The following ZNF746 variants were observed in gnomAD, a reference collection of about 807,000 sequenced individuals.
ZNF746 encodes the protein zinc finger protein 746, also known as parkin-interacting substrate.
Under a neutral mutation model 41.0 loss-of-function variants are expected in ZNF746, and 13 were observed. The ratio of observed to expected loss-of-function variants is 0.32; its 90% CI spans 0.21 to 0.50. The LOEUF (loss-of-function observed/expected upper bound fraction) is 0.50, where lower values mean the gene tolerates loss of function less well. ZNF746 is among the 20% of genes least tolerant of loss of function. ZNF746 has a pLI of 0.98. For missense variants in ZNF746, 811 were observed against 922.9 expected (o/e 0.88, Z 1.57); for synonymous variants, 424 against 396.2 (o/e 1.07, Z -0.83).
At chr7:149,491,781 G>C in intron 4 of ZNF746, 1 of 677,514 alleles carries the variant, frequency 1.5e-6, no homozygotes, top group Non-Finnish European at 2.7e-6. Flanking sequence ...GACGGTCAAG[G>C]GCGGGTCTTC....
At chr7:149,485,330 C>T (rs1341235166) in intron 4 of ZNF746, among the ~76,000 whole-genome samples, 2 of 152,126 alleles carry the variant, frequency 1.3e-5, no homozygotes, top group African/African-American at 4.8e-5. Context: ...AGATGGAATG[C>T]AATTGCAACC....
At chr7:149,491,747 G>C (rs1388333356) in intron 4 of ZNF746, 10 of 622,298 alleles carry the variant, frequency 1.6e-5, no homozygotes, top group Non-Finnish European at 2.3e-5. Context: ...AGTGTCAGAC[G>C]AAAGGGAAAA....
In ZNF746 at chr7:149,474,573, G is replaced by C. The variant is rs1416695555; in HGVS notation, c.1794C>G (p.Arg598=). ...GKSFIRKDHL[R]KHQRNHAAGA... ...CCGCTGCATGGTTGCGCTGGTGCTTGCGGAGGTGGTCCTTGCGGATGAAGC... is the reference window on the plus strand; with the variant it reads ...CCGCTGCATGGTTGCGCTGGTGCTTCCGGAGGTGGTCCTTGCGGATGAAGC... The change falls in exon 7 of 7, where the codon CGC becomes CGG. Residue 598 remains arginine, a synonymous_variant. Transcript: ENST00000458143. This position sits in a 1 kb window ranked among gnomAD's most constrained non-coding sequence, Gnocchi z 6.3. 5.0e-6 allele frequency: 8 copies of C among 1,611,640 alleles called. No individual in the cohort carries two copies. The African/African-American group carries it at 9.3e-5, about 19-fold the overall frequency.
At position 149,472,894 on chromosome 7, in the gene ZNF746, G is replaced by C. The variant is rs1019899505; in HGVS notation, c.*1490C>G. On this transcript the variant is annotated 3_prime_UTR_variant, in exon 7 of 7. Coordinates refer to ENST00000458143, the MANE Select transcript of ZNF746 (RefSeq NM_001394198.1). ...AGTGTAAACAGGTACAAAATATACA[G>C]TACATAGAAACAATTTTCTTAACTA... is the stretch of plus-strand genomic sequence containing the variant. 2.6e-5 allele frequency: 4 copies of C among 152,566 alleles called. No individual in the cohort carries two copies. Among genetic ancestry groups the C allele is most frequent in the South Asian group, 4.1e-4 (2 of 4,824 alleles). The allele number at this position is 152,566 out of a possible 1,614,324, so 9.5% of individuals were successfully genotyped here. A position where few individuals can be genotyped will look rare whatever the true frequency, so the allele number is the denominator to read the frequency against.
In ZNF746 at chr7:149,475,014, G is replaced by GCTTCAGA; in HGVS notation, c.1352_1353insTCTGAAG (p.His452LeufsTer111). 1.3e-6 allele frequency: 2 copies of GCTTCAGA among 1,551,914 alleles called. No individual in the cohort carries two copies. Among genetic ancestry groups the GCTTCAGA allele is most frequent in the Non-Finnish European group, 1.7e-6 (2 of 1,147,958 alleles). On this transcript the variant is annotated frameshift_variant, in exon 7 of 7. Transcript: ENST00000458143. LOFTEE classifies it low-confidence loss of function (END_TRUNC). ...GGTGCTTCTTCAGCCCTGGCTTGTG[G>GCTTCAGA]CCAAAGCCTTTGGTCCGGCCAGGGT...
intron 4 of ZNF746, among the ~76,000 whole-genome samples, chr7:149,483,593 G>A (rs1012615685): frequency 1.1e-4 from 17 of 151,500 alleles, no homozygotes; most frequent in Admixed American, 3.3e-4. Context: ...GCGACAGAGC[G>A]AGACTCCGTG....
intron 4 of ZNF746, chr7:149,487,672 C>T (rs1194453316): frequency 6.6e-6 from 1 of 151,916 alleles, no homozygotes; most frequent in Non-Finnish European, 1.5e-5. Context: ...TACCTGTACA[C>T]CTGAAATAAC....
chr7:149,496,490 T>C (rs397832783), intron 1 of ZNF746, among the ~76,000 whole-genome samples: 3 of 152,288 alleles, frequency 2.0e-5, no homozygotes, highest in African/African-American at 4.8e-5. Flanking sequence ...AAACCCCTTC[T>C]TAGTCTCTCT....
intron 4 of ZNF746, among the ~76,000 whole-genome samples, chr7:149,482,533 C>T (rs1800513373): frequency 6.7e-6 from 1 of 149,692 alleles, no homozygotes. Flanking sequence ...GGTGCAATCT[C>T]GGCTCACTAC....
At chr7:149,485,020 C>CA (rs1318891102) in intron 4 of ZNF746, among the ~76,000 whole-genome samples, 1 of 151,852 alleles carries the variant, frequency 6.6e-6, no homozygotes, top group Non-Finnish European at 1.5e-5. Flanking sequence ...GCATAAAGGG[C>CA]AGGGACATTG....
At chr7:149,495,764 G>A (rs1408305065) in intron 1 of ZNF746, among the ~76,000 whole-genome samples, 1 of 152,180 alleles carries the variant, frequency 6.6e-6, no homozygotes, top group Non-Finnish European at 1.5e-5. Context: ...TGAGCAGAGG[G>A]AGAAACAAAC....
At chr7:149,492,766 A>ACT in intron 4 of ZNF746, 93 bp downstream of exon 4, 3 of 887,636 alleles carry the variant, frequency 3.4e-6, no homozygotes, top group Non-Finnish European at 1.8e-6. Flanking sequence ...TTTCTCCTCG[A>ACT]CTCTCTCTGG....
Position 149,494,007 on chromosome 7 carries a change from C to G in ZNF746, c.433G>C (p.Glu145Gln). 5 of 1,614,196 alleles carry G rather than the reference C, an allele frequency of 3.1e-6. No homozygotes were observed. Among genetic ancestry groups the G allele is most frequent in the Non-Finnish European group, 4.2e-6 (5 of 1,180,036 alleles). The stretch of plus-strand genomic sequence containing the variant: ...GCCTTACCCAGGGAGACCAGCGTCT[C>G]GTAGTTGCCCCTCATCACGTGCTTG... ...LYKHVMRGNY[E>Q]TLVSLDYAIS... Residue 145 changes from glutamate (E) to glutamine (Q), a missense_variant, in exon 3 of 7, where the codon GAG becomes CAG. By Grantham distance (29) the Glu-to-Gln change is conservative. Coordinates refer to ENST00000458143, the MANE Select transcript of ZNF746 (RefSeq NM_001394198.1). The surrounding 1 kb of genome is among the most constrained non-coding windows in gnomAD (Gnocchi z 5.6).
chr7:149,483,578 G>C (rs1391093340), intron 4 of ZNF746, among the ~76,000 whole-genome samples: 1 of 151,796 alleles, frequency 6.6e-6, no homozygotes, highest in Non-Finnish European at 1.5e-5. Flanking sequence ...CTGTACTCCA[G>C]CCTGGCGACA....
intron 4 of ZNF746, among the ~76,000 whole-genome samples, chr7:149,479,956 AG>A (rs747807191): frequency 2.0e-5 from 3 of 152,010 alleles, no homozygotes; most frequent in Non-Finnish European, 2.9e-5. Context: ...GTCTCCACAG[AG>A]GGGAAAAAAA....
intron 1 of ZNF746, chr7:149,496,997 A>G (rs998791374): frequency 1.0e-5 from 10 of 985,298 alleles, no homozygotes; most frequent in Non-Finnish European, 1.2e-5. Context: ...CTGTGAGGAC[A>G]GACTAACGCC....
At chr7:149,496,279 T>C (rs867647624) in intron 1 of ZNF746, among the ~76,000 whole-genome samples, 7 of 152,196 alleles carry the variant, frequency 4.6e-5, no homozygotes, top group Non-Finnish European at 7.3e-5. Flanking sequence ...CTGTGTAAGG[T>C]CTTCACACTA....
In ZNF746 at chr7:149,476,958, C is replaced by T. The variant is rs202035156; in HGVS notation, c.847G>A (p.Gly283Arg). 148 of 1,613,984 alleles carry T rather than the reference C, an allele frequency of 9.2e-5. 1 individual carries two copies. Among genetic ancestry groups the T allele is most frequent in the East Asian group, 4.2e-4 (19 of 44,872 alleles). ...GCTGCTGTGTTGAGCTTCAGGGTCC[C>T]GTCCGAGCATGCTGAAGAGGGATGG... ...PHHPSSACSDGTLKLNTAAST... is the reference protein window; with the variant it reads ...PHHPSSACSDRTLKLNTAAST... The change falls in exon 6 of 7, where the codon GGG becomes AGG. Residue 283 changes from glycine to arginine, a missense_variant. By Grantham distance (125) the Gly-to-Arg change is moderately radical (BLOSUM62 -2). Transcript: ENST00000458143.
chr7:149,476,054 C>T (rs962882142), intron 6 of ZNF746, among the ~76,000 whole-genome samples: 1 of 152,140 alleles, frequency 6.6e-6, no homozygotes, highest in Non-Finnish European at 1.5e-5. Flanking sequence ...GTGGCTCACG[C>T]CTATAATCCC....
Sources: gnomAD v4.1 joint callset for allele counts (sites outside exome capture counted in the v4.1 genomes callset) on GRCh38, gnomAD v4.1.1 for gene constraint, Gnocchi (gnomAD v3.1) non-coding constraint, MANE v1.5 for transcripts, NCBI Gene and HGNC (gene_info 2026-07-23, HGNC 2026-07-21) for gene names.